RXRA: variants seen among roughly 807,000 people sequenced by gnomAD.
RXRA encodes retinoic acid receptor RXR-alpha.
Under a neutral mutation model 44.5 loss-of-function variants are expected in RXRA, and 5 were observed. The ratio of observed to expected loss-of-function variants is 0.11; its 90% CI spans 0.06 to 0.24. The LOEUF (loss-of-function observed/expected upper bound fraction) is 0.24. Ranked by LOEUF, RXRA falls within the 10% of genes least tolerant of loss-of-function variation. The pLI is 1.00. For synonymous variants in RXRA, 291 were observed against 271.4 expected, an observed-to-expected ratio of 1.07 and a Z score of -0.71; for missense variants, 412 against 646.5, an observed-to-expected ratio of 0.64 and a Z score of 3.93.
At chr9:134,392,246 C>T (rs1481086273) in intron 1 of RXRA, among the ~76,000 whole-genome samples, 1 of 152,212 alleles carries the variant, frequency 6.6e-6, no homozygotes, top group Non-Finnish European at 1.5e-5. Context: ...TCTGCCAGGA[C>T]TGGGGCTTGA....
chr9:134,389,052 C>G (rs1830762383), intron 1 of RXRA, among the ~76,000 whole-genome samples: 2 of 152,154 alleles, frequency 1.3e-5, no homozygotes, highest in Non-Finnish European at 2.9e-5. Context: ...CTGCCAAGCT[C>G]TGGTCCTCCA....
chr9:134,380,121 G>A, intron 1 of RXRA: 15 of 985,490 alleles, frequency 1.5e-5, no homozygotes, highest in Non-Finnish European at 1.8e-5. Context: ...GGCCAAGTGT[G>A]GCCTTGGCAC....
intron 1 of RXRA, chr9:134,379,270 A>C: frequency 3.0e-6 from 3 of 986,136 alleles, no homozygotes; most frequent in Non-Finnish European, 3.6e-6. Context: ...GGCCTGCCCC[A>C]TCAGCAACAG....
At chr9:134,358,303 G>A (rs529352204) in intron 1 of RXRA, among the ~76,000 whole-genome samples, 2 of 152,156 alleles carry the variant, frequency 1.3e-5, no homozygotes, top group East Asian at 3.9e-4. Flanking sequence ...ACTTTCCTCC[G>A]GCAGCAGGCA....
chr9:134,422,447 C>T, intron 6 of RXRA: 1 of 1,267,114 alleles, frequency 7.9e-7, no homozygotes, highest in African/African-American at 1.5e-5. Context: ...TCCCTAGACA[C>T]TCCCTACTCC....
intron 1 of RXRA, among the ~76,000 whole-genome samples, chr9:134,367,705 C>A (rs1326240659): frequency 6.6e-6 from 1 of 152,212 alleles, no homozygotes; most frequent in Non-Finnish European, 1.5e-5. Context: ...ACCATGGTCC[C>A]CCAAGGGGCA....
rs1554749203 is a variant in RXRA at position 134,349,500 on chromosome 9, C to CG, written c.28+22846dup. 6.6e-6 allele frequency among the ~76,000 whole-genome samples: 1 copy of CG among 152,100 alleles called. No homozygotes were observed. The highest frequency in any genetic ancestry group is 2.4e-5 in the African/African-American group (1 of 41,396). ...GCTGCCACACCTGGCAGTGGTGCTG[C>CG]GGGGGTGGCTCGGCCCTGAAGCTCG... is the stretch of plus-strand genomic sequence containing the variant. On this transcript the variant is annotated intron_variant, in intron 1 of 9. Coordinates refer to ENST00000481739, the MANE Select transcript of RXRA (RefSeq NM_002957.6). This position sits in a 1 kb window ranked among gnomAD's most constrained non-coding sequence, Gnocchi z 4.3.
At chr9:134,429,302 G>GTT (rs2119203791) in intron 7 of RXRA, 62 bp downstream of exon 7, 2 of 1,565,880 alleles carry the variant, frequency 1.3e-6, no homozygotes, top group East Asian at 4.5e-5. Flanking sequence ...GGCCAGCTGA[G>GTT]TTCAGCCACC....
At chr9:134,419,783 A>G (rs1335455640) in intron 5 of RXRA, among the ~76,000 whole-genome samples, 2 of 152,074 alleles carry the variant, frequency 1.3e-5, no homozygotes, top group Non-Finnish European at 2.9e-5. Context: ...ATCCTGCACT[A>G]TCCCTCCCTA....
chr9:134,368,253 G>T (rs1803260453), intron 1 of RXRA, among the ~76,000 whole-genome samples: 1 of 152,218 alleles, frequency 6.6e-6, no homozygotes, highest in African/African-American at 2.4e-5. Flanking sequence ...TCTGCTGATG[G>T]TCAGCTGGCC....
At chr9:134,331,626 C>T (rs946952195) in intron 1 of RXRA, among the ~76,000 whole-genome samples, 4 of 152,346 alleles carry the variant, frequency 2.6e-5, no homozygotes, top group Non-Finnish European at 5.9e-5. Flanking sequence ...ACGAAGGTGC[C>T]GATGGCTGCA....
At chr9:134,390,318 C>T (rs1193458416) in intron 1 of RXRA, among the ~76,000 whole-genome samples, 6 of 152,210 alleles carry the variant, frequency 3.9e-5, no homozygotes, top group African/African-American at 1.2e-4. Flanking sequence ...TCTCCATTGC[C>T]GTCCCTTCCA....
intron 1 of RXRA, among the ~76,000 whole-genome samples, chr9:134,400,528 G>T (rs967896787): frequency 2.0e-5 from 3 of 152,238 alleles, no homozygotes; most frequent in Non-Finnish European, 4.4e-5. Context: ...AGATAGGGTG[G>T]GGGCAGGCAG....
intron 1 of RXRA, among the ~76,000 whole-genome samples, chr9:134,399,460 A>G (rs927488580): frequency 6.6e-6 from 1 of 152,202 alleles, no homozygotes; most frequent in African/African-American, 2.4e-5. Flanking sequence ...TGTCTTGGAC[A>G]CACTCTTTTG....
At chr9:134,370,000 C>G (rs1250023380) in intron 1 of RXRA, among the ~76,000 whole-genome samples, 1 of 152,156 alleles carries the variant, frequency 6.6e-6, no homozygotes, top group African/African-American at 2.4e-5. Context: ...CCTCGGTGCA[C>G]CGAGGAAAGC....
At chr9:134,333,713 T>C (rs1554746965) in intron 1 of RXRA, among the ~76,000 whole-genome samples, 1 of 152,204 alleles carries the variant, frequency 6.6e-6, no homozygotes, top group Non-Finnish European at 1.5e-5. Context: ...AAGTATCCTG[T>C]AATTGACCAA....
intron 1 of RXRA, among the ~76,000 whole-genome samples, chr9:134,375,585 C>T (rs943892489): frequency 3.3e-5 from 5 of 152,128 alleles, no homozygotes; most frequent in African/African-American, 9.7e-5. Context: ...CTGGGAGTGA[C>T]GCTGGGTTGG....
Position 134,421,661 on chromosome 9 carries a change from C to T in RXRA, c.781-15C>T, listed in dbSNP as rs1269838532. On this transcript the variant is annotated splice_polypyrimidine_tract_variant and intron_variant, in intron 5 of 9. Coordinates refer to ENST00000481739, the MANE Select transcript of RXRA (RefSeq NM_002957.6). Reference sequence around the variant, plus strand: ...TTCTGGGACTGAATGTCCTGCTCTTCTTCCTCCACTGCAGCCGAACGACCC... The same window carrying T: ...TTCTGGGACTGAATGTCCTGCTCTTTTTCCTCCACTGCAGCCGAACGACCC... 1 of 1,554,704 alleles carries T rather than the reference C, an allele frequency of 6.4e-7. No homozygotes were observed. Among genetic ancestry groups the T allele is most frequent in the Non-Finnish European group, 8.7e-7 (1 of 1,145,786 alleles).
At chr9:134,370,286 G>A (rs140429020) in intron 1 of RXRA, among the ~76,000 whole-genome samples, 1 of 152,310 alleles carries the variant, frequency 6.6e-6, no homozygotes, top group East Asian at 1.9e-4. Context: ...TGGGCAGTGT[G>A]ACCTCGGGCA....
Sources: gnomAD v4.1 joint callset for allele counts (sites outside exome capture counted in the v4.1 genomes callset) on GRCh38, gnomAD v4.1.1 for gene constraint, Gnocchi (gnomAD v3.1) non-coding constraint, MANE v1.5 for transcripts, NCBI Gene and HGNC (gene_info 2026-07-23, HGNC 2026-07-21) for gene names.